MTMR14: variants seen among roughly 807,000 people sequenced by gnomAD.
MTMR14 encodes the protein phosphatidylinositol-3,5-bisphosphate 3-phosphatase MTMR14.
In MTMR14, 48 loss-of-function variants were observed where a neutral mutation model predicts 86.3. The ratio of observed to expected loss-of-function variants is 0.56; its 90% CI spans 0.44 to 0.71. MTMR14 has a LOEUF of 0.71. Among genes scored for constraint, MTMR14 ranks in the 30% least tolerant of loss-of-function variants. The pLI is 0.00. For synonymous variants in MTMR14, 366 were observed against 326.1 expected (o/e 1.12, Z -1.32); for missense variants, 780 against 834.6 (o/e 0.93, Z 0.81).
chr3:9,653,704 C>T lies in MTMR14; in HGVS notation c.243C>T (p.Ile81=), dbSNP rs1467663583. ...TGATTCCAAACACGAATGGGGATATCTGTGGCCACTATCCCCGGCACATCG... is the reference window on the plus strand; with the variant it reads ...TGATTCCAAACACGAATGGGGATATTTGTGGCCACTATCCCCGGCACATCG... ...FSVIPNTNGD[I]CGHYPRHIVF... is the part of the protein sequence containing the mutation. The change falls in exon 2 of 19, where the codon ATC becomes ATT. Residue 81 remains isoleucine (I), a synonymous_variant. Transcript: ENST00000296003. The T allele has an allele frequency of 1.2e-6, 2 of 1,614,168 alleles. No individual in the cohort carries two copies. The highest frequency in any genetic ancestry group is 1.7e-5 in the Admixed American group (1 of 60,016).
intron 1 of MTMR14, among the ~76,000 whole-genome samples, chr3:9,651,864 C>T (rs1425267308): frequency 6.6e-6 from 1 of 150,870 alleles, no homozygotes; most frequent in Non-Finnish European, 1.5e-5. Flanking sequence ...TGGCGTCTCA[C>T]TCTGTCGCCC....
intron 5 of MTMR14, 112 bp from the exon 6 acceptor site, chr3:9,670,936 G>A (rs1378615581): frequency 6.4e-6 from 9 of 1,411,330 alleles, no homozygotes; most frequent in Middle Eastern, 3.5e-4. Flanking sequence ...CCTAGCACAC[G>A]CCCCAGCTTC....
chr3:9,685,057 G>A, intron 12 of MTMR14, 93 bp downstream of exon 12: 1 of 1,496,100 alleles, frequency 6.7e-7, no homozygotes, highest in Non-Finnish European at 9.3e-7. Context: ...CTGGAGGTAA[G>A]GATAATTCCA....
At chr3:9,689,223 CT>C in intron 16 of MTMR14, 141 bp downstream of exon 16, 1 of 1,321,858 alleles carries the variant, frequency 7.6e-7, no homozygotes, top group South Asian at 1.3e-5. Flanking sequence ...CCTGCTGTCT[CT>C]ACTGGGCCTC....
intron 1 of MTMR14, chr3:9,650,516 C>T (rs1309220456): frequency 1.4e-5 from 5 of 369,470 alleles, no homozygotes; most frequent in African/African-American, 1.1e-4. Flanking sequence ...TCTGATTTGA[C>T]CTCAGAGATT....
At chr3:9,685,083 C>T (rs941176330) in intron 12 of MTMR14, 119 bp downstream of exon 12, 253 of 1,486,872 alleles carry the variant, frequency 1.7e-4, no homozygotes, top group Non-Finnish European at 2.2e-4. Context: ...CGAGAAGGAC[C>T]GAAGCTGCTG....
At chr3:9,659,888 T>A (rs1271759363) in intron 2 of MTMR14, 1 of 454,076 alleles carries the variant, frequency 2.2e-6, no homozygotes, top group African/African-American at 2.0e-5. Flanking sequence ...GTTTGTTTGT[T>A]TTTAACAGAA....
intron 14 of MTMR14, 60 bp downstream of exon 14, chr3:9,687,951 T>C (rs2076016087): frequency 7.0e-7 from 1 of 1,422,424 alleles, no homozygotes; most frequent in African/African-American, 1.4e-5. Context: ...GGCTGCTCCC[T>C]GGGAGGCAAG....
rs369535835 is a variant in MTMR14, at chr3:9,690,193, T to G, written c.1613+50T>G. 1.7e-5 allele frequency: 27 copies of G among 1,599,308 alleles called. 1 individual carries two copies. In the African/African-American group the frequency reaches 3.6e-4, roughly 21 times the overall value. On this transcript the variant is annotated intron_variant, in intron 17 of 18. Transcript: ENST00000296003. ...GTTGGAAGTGCCTAGCTTTCCCCCTTAATAAGACTGGAGGGTCGGGGGCCA... is the reference window on the plus strand; with the variant it reads ...GTTGGAAGTGCCTAGCTTTCCCCCTGAATAAGACTGGAGGGTCGGGGGCCA...
chr3:9,697,906 C>T (rs759723894), intron 18 of MTMR14, 40 bp downstream of exon 18: 1 of 1,612,326 alleles, frequency 6.2e-7, no homozygotes, highest in Non-Finnish European at 8.5e-7. Flanking sequence ...CTCCCCTGCC[C>T]ATGGGAAAAG....
chr3:9,667,070 T>C (rs2048295530), intron 3 of MTMR14, among the ~76,000 whole-genome samples: 1 of 152,100 alleles, frequency 6.6e-6, no homozygotes, highest in Admixed American at 6.6e-5. Flanking sequence ...ATAGAAGGGA[T>C]GTGGAAGAAT....
At position 9,662,211 on chromosome 3, in the gene MTMR14, A is replaced by G. The variant is rs1232779167; in HGVS notation, c.309-56A>G. On this transcript the variant is annotated intron_variant, in intron 2 of 18. Transcript: ENST00000296003. ...GGGGTCTGTGTGAATAAACACATAT[A>G]CACAAAGTGCCCACTTCAAAGTCAG... 2.3e-6 allele frequency: 3 copies of G among 1,327,998 alleles called. No individual in the cohort carries two copies. The East Asian group carries it at 6.9e-5, about 30-fold the overall frequency. 82.3% of individuals were successfully genotyped at this position (1,327,998 alleles called of 1,614,324 possible).
intron 3 of MTMR14, among the ~76,000 whole-genome samples, chr3:9,663,201 G>A (rs907464562): frequency 3.3e-5 from 5 of 151,998 alleles, no homozygotes; most frequent in Non-Finnish European, 7.4e-5. Flanking sequence ...GGAAGGGAGC[G>A]GAATTCAGTC....
At chr3:9,660,233 G>A (rs2047846364) in intron 2 of MTMR14, among the ~76,000 whole-genome samples, 1 of 152,086 alleles carries the variant, frequency 6.6e-6, no homozygotes, top group South Asian at 2.1e-4. Context: ...GCTGCCTGGT[G>A]GGTTGCTGCC....
At chr3:9,690,971 C>G (rs2076121780) in intron 17 of MTMR14, among the ~76,000 whole-genome samples, 1 of 152,216 alleles carries the variant, frequency 6.6e-6, no homozygotes, top group Non-Finnish European at 1.5e-5. Flanking sequence ...TTTTCAGACT[C>G]AGTTTAGTCC....
intron 18 of MTMR14, chr3:9,699,713 G>C (rs770583065): frequency 6.6e-6 from 1 of 152,246 alleles, no homozygotes; most frequent in Non-Finnish European, 1.5e-5. Flanking sequence ...AGTAGGTGGT[G>C]GTCTCTGTCC....
At chr3:9,657,785 G>A (rs945996999) in intron 2 of MTMR14, among the ~76,000 whole-genome samples, 4 of 151,988 alleles carry the variant, frequency 2.6e-5, no homozygotes, top group Admixed American at 1.3e-4. Context: ...TCCTGACCTC[G>A]TGATCCACTG....
In MTMR14 at chr3:9,677,436, G is replaced by T. The variant is rs879078183; in HGVS notation, c.822+49G>T. 6.6e-7 allele frequency: 1 copy of T among 1,517,928 alleles called. No individual in the cohort carries two copies. The highest frequency in any genetic ancestry group is 1.1e-5 in the South Asian group (1 of 89,104). The allele number at this position is 1,517,928 out of a possible 1,614,324, so 94.0% of individuals were successfully genotyped here. ...ATTGGATCTATGTCTCTTTGTAAAGGGAGGCCAAGGAGAACAACAAGCAGT... is the reference window on the plus strand; with the variant it reads ...ATTGGATCTATGTCTCTTTGTAAAGTGAGGCCAAGGAGAACAACAAGCAGT... On this transcript the variant is annotated intron_variant, in intron 8 of 18. Coordinates refer to ENST00000296003, the MANE Select transcript of MTMR14 (RefSeq NM_001077525.3). The surrounding 1 kb of genome is among the most constrained non-coding windows in gnomAD (Gnocchi z 4.2).
chr3:9,658,477 A>T (rs2047735542), intron 2 of MTMR14, among the ~76,000 whole-genome samples: 1 of 152,262 alleles, frequency 6.6e-6, no homozygotes, highest in Non-Finnish European at 1.5e-5. Context: ...AGTCCTTACC[A>T]GTAGGTCTAG....
Sources: allele counts gnomAD v4.1 joint callset (sites outside exome capture counted in the v4.1 genomes callset), GRCh38; gene constraint gnomAD v4.1.1; non-coding constraint Gnocchi (gnomAD v3.1); transcripts MANE v1.5; gene names NCBI Gene and HGNC (gene_info 2026-07-23, HGNC 2026-07-21).